XKR6: variants seen among roughly 807,000 people sequenced by gnomAD.
XKR6 encodes XK-related protein 6.
XKR6 carries 22 observed loss-of-function variants against 56.7 expected under a neutral mutation model. That is an observed-to-expected ratio of 0.39 (90% CI 0.28 to 0.55). The LOEUF (loss-of-function observed/expected upper bound fraction) is 0.55, where lower values mean the gene tolerates loss of function less well. XKR6 is among the 20% of genes least tolerant of loss of function. The pLI is 0.66. For synonymous variants in XKR6, 524 were observed against 387.8 expected, an observed-to-expected ratio of 1.35 and a Z score of -4.13; for missense variants, 852 against 889.0, an observed-to-expected ratio of 0.96 and a Z score of 0.53.
At chr8:11,000,128 C>G (rs766699803) in intron 1 of XKR6, among the ~76,000 whole-genome samples, 2 of 152,028 alleles carry the variant, frequency 1.3e-5, no homozygotes, top group African/African-American at 2.4e-5. Context: ...TCAGAGGCAC[C>G]AAGACTATTA....
chr8:11,067,043 G>C (rs1383442042), intron 1 of XKR6: 1 of 152,508 alleles, frequency 6.6e-6, no homozygotes, highest in Non-Finnish European at 1.5e-5. Flanking sequence ...AAGACCTGAG[G>C]GCAGGATGAG....
At position 10,930,639 on chromosome 8, in the gene XKR6, C is replaced by T. The variant is rs1801026302; in HGVS notation, c.765-5809G>A. 2.6e-5 allele frequency among the ~76,000 whole-genome samples: 4 copies of T among 152,292 alleles called. No homozygotes were observed. In the South Asian group the frequency reaches 8.3e-4, roughly 32 times the overall value. The stretch of plus-strand genomic sequence containing the variant: ...TTTATCCTGGGAATGAAAGGCTGGT[C>T]CAATATTCAAAAATCAATCAATGTA... On this transcript the variant is annotated intron_variant, in intron 1 of 2. Coordinates refer to ENST00000416569, the MANE Select transcript of XKR6 (RefSeq NM_173683.4).
intron 1 of XKR6, among the ~76,000 whole-genome samples, chr8:11,183,122 G>C (rs1177701503): frequency 6.6e-6 from 1 of 152,112 alleles, no homozygotes; most frequent in Non-Finnish European, 1.5e-5. Flanking sequence ...TGTTGATGAA[G>C]GCTTAGGTTG....
At chr8:11,165,850 A>G (rs1459638594) in intron 1 of XKR6, among the ~76,000 whole-genome samples, 1 of 152,134 alleles carries the variant, frequency 6.6e-6, no homozygotes, top group Non-Finnish European at 1.5e-5. Flanking sequence ...ACTGTGTCCT[A>G]TACTATATCT....
At chr8:11,091,634 A>T (rs560232342) in intron 1 of XKR6, among the ~76,000 whole-genome samples, 1 of 152,078 alleles carries the variant, frequency 6.6e-6, no homozygotes, top group African/African-American at 2.4e-5. Flanking sequence ...TTGGTTTTAC[A>T]TGTGCTGCCC....
chr8:11,031,160 G>T (rs1383876418), intron 1 of XKR6, among the ~76,000 whole-genome samples: 3 of 152,196 alleles, frequency 2.0e-5, no homozygotes, highest in East Asian at 3.8e-4. Flanking sequence ...CCTGATCCAA[G>T]CTGGGCCAAT....
At position 11,039,155 on chromosome 8, in the gene XKR6, C is replaced by T. The variant is rs970943691; in HGVS notation, c.765-114325G>A. On this transcript the variant is annotated intron_variant, in intron 1 of 2. Transcript: ENST00000416569. ...CGAGGACAAGAAGGGAAGCACACGC[C>T]GCCCCACTCAGCTGCCCTAGAAATG... Among the ~76,000 whole-genome samples the T allele has an allele frequency of 4.6e-5, 7 of 152,274 alleles. No individual in the cohort carries two copies. The East Asian group carries it at 1.4e-3, about 29-fold the overall frequency.
intron 1 of XKR6, among the ~76,000 whole-genome samples, chr8:10,981,561 T>A (rs1297648236): frequency 1.3e-5 from 2 of 152,230 alleles, no homozygotes; most frequent in Non-Finnish European, 2.9e-5. Context: ...TCTGCCATTT[T>A]CTAAATGTAA....
At chr8:11,193,867 CA>C (rs922937825) in intron 1 of XKR6, among the ~76,000 whole-genome samples, 4 of 149,950 alleles carry the variant, frequency 2.7e-5, no homozygotes, top group African/African-American at 4.9e-5. Context: ...AAACAGATTA[CA>C]AAAAAAAGAC....
intron 1 of XKR6, among the ~76,000 whole-genome samples, chr8:11,149,529 A>C (rs1015255303): frequency 6.6e-6 from 1 of 152,206 alleles, no homozygotes; most frequent in African/African-American, 2.4e-5. Flanking sequence ...ATTTAAAATC[A>C]TACTGCATCA....
chr8:11,078,656 A>C (rs1389065439), intron 1 of XKR6, among the ~76,000 whole-genome samples: 1 of 152,168 alleles, frequency 6.6e-6, no homozygotes, highest in Admixed American at 6.5e-5. Context: ...AGGGTGCTTG[A>C]TGGAGGCCCC....
intron 1 of XKR6, among the ~76,000 whole-genome samples, chr8:11,121,066 C>A (rs997757490): frequency 2.6e-5 from 4 of 152,168 alleles, no homozygotes; most frequent in South Asian, 2.1e-4. Context: ...ACATGTTAGA[C>A]CTAAAACCAT....
intron 1 of XKR6, among the ~76,000 whole-genome samples, chr8:11,090,727 G>A (rs780087243): frequency 6.6e-6 from 1 of 151,578 alleles, no homozygotes; most frequent in African/African-American, 2.4e-5. Context: ...TTATAAATTG[G>A]GTCTTTTTTT....
intron 1 of XKR6, chr8:11,113,911 G>A (rs1183381178): frequency 4.1e-6 from 1 of 243,196 alleles, no homozygotes; most frequent in East Asian, 1.2e-4. Context: ...ATCTTGAAGA[G>A]GAAGGAACTG....
intron 1 of XKR6, among the ~76,000 whole-genome samples, chr8:10,931,188 G>T (rs1337141622): frequency 6.6e-6 from 1 of 152,124 alleles, no homozygotes; most frequent in Non-Finnish European, 1.5e-5. Context: ...ACTTAAATTA[G>T]CTCCGAAAAT....
intron 1 of XKR6, among the ~76,000 whole-genome samples, chr8:11,198,516 GA>G (rs35499478): frequency 0.33 from 47,623 of 145,020 alleles, 8,212 homozygotes; most frequent in Non-Finnish European, 0.4. Context: ...GTTAAGATCA[GA>G]AAAAAAAAAA....
intron 1 of XKR6, chr8:11,138,585 G>C (rs1371691751): frequency 2.0e-5 from 3 of 152,182 alleles, no homozygotes; most frequent in Admixed American, 2.0e-4. Context: ...AAGCAAAACT[G>C]TCTCTTATTT....
chr8:11,031,720 T>A (rs1041711630), intron 1 of XKR6, among the ~76,000 whole-genome samples: 3 of 152,214 alleles, frequency 2.0e-5, no homozygotes, highest in African/African-American at 7.2e-5. Context: ...AAAGCCCAAG[T>A]GCCACCACCT....
intron 1 of XKR6, among the ~76,000 whole-genome samples, chr8:11,016,210 G>A (rs1798617781): frequency 1.3e-5 from 2 of 152,180 alleles, no homozygotes; most frequent in African/African-American, 4.8e-5. Context: ...CCCGTCCCCG[G>A]GCGGGACCTT....
Sources: gnomAD v4.1 joint callset for allele counts (sites outside exome capture counted in the v4.1 genomes callset) on GRCh38, gnomAD v4.1.1 for gene constraint, MANE v1.5 for transcripts, NCBI Gene and HGNC (gene_info 2026-07-23, HGNC 2026-07-21) for gene names.